PCK1: variants seen among roughly 807,000 people sequenced by gnomAD.
PCK1 encodes the protein phosphoenolpyruvate carboxykinase 1.
In PCK1, 44 loss-of-function variants were observed where a neutral mutation model predicts 50.3. The observed-to-expected ratio is 0.87, with a 90% confidence interval of 0.69 to 1.12. The LOEUF (loss-of-function observed/expected upper bound fraction) is 1.12. Among genes scored for constraint, PCK1 ranks in the 50% most tolerant of loss-of-function variants. The probability of loss-of-function intolerance (pLI) is 0.00; values close to 1 mark genes in which losing one functional copy is unlikely to be tolerated. For missense variants in PCK1, 790 were observed against 815.0 expected (o/e 0.97, Z 0.37); for synonymous variants, 332 against 314.3 (o/e 1.06, Z -0.59).
chr20:57,561,567 G>C lies in PCK1; in HGVS notation c.156G>C (p.Glu52Asp), dbSNP rs1011110192. The change falls in exon 2 of 10, where the codon GAG becomes GAC. Residue 52 changes from glutamate to aspartate, a missense_variant. Physicochemically the swap from Glu to Asp is conservative, Grantham distance 45. Transcript: ENST00000319441. ...HIHICDGSEE[E>D]NGRLLGQMEE... ...ACATCTGTGACGGCTCTGAGGAGGA[G>C]AATGGGCGGCTTCTGGGCCAGATGG... The C allele has an allele frequency of 1.2e-6, 2 of 1,613,900 alleles. No individual in the cohort carries two copies. The highest frequency in any genetic ancestry group is 2.7e-5 in the African/African-American group (2 of 74,934).
rs531149272 is a variant in PCK1, at chr20:57,563,415, T to C, written c.799-150T>C. 1.5e-5 allele frequency: 10 copies of C among 686,152 alleles called. No individual in the cohort carries two copies. The South Asian group carries it at 1.9e-4, about 13-fold the overall frequency. The allele number at this position is 686,152 out of a possible 1,614,324, so 42.5% of individuals were successfully genotyped here. A position where few individuals can be genotyped will look rare whatever the true frequency, so the allele number is the denominator to read the frequency against. On this transcript the variant is annotated intron_variant, in intron 5 of 9. Coordinates refer to ENST00000319441, the MANE Select transcript of PCK1 (RefSeq NM_002591.4). ...CCCAAACACCAGGGGACCATAGAGA[T>C]CCTTTGGACTTCATGATTCTGGGAG...
Position 57,562,750 on chromosome 20 carries a change from C to T in PCK1, c.461C>T (p.Ser154Leu), listed in dbSNP as rs747489666. The T allele has an allele frequency of 4.3e-6, 7 of 1,614,058 alleles. No homozygotes were observed. The highest frequency in any genetic ancestry group is 1.1e-5 in the South Asian group (1 of 91,040). ...FSMGPLGSPLSKIGIELTDSP... is the reference protein window; with the variant it reads ...FSMGPLGSPLLKIGIELTDSP... Reference sequence around the variant, plus strand: ...ATGGGGCCGCTGGGCTCGCCTCTGTCAAAGATCGGCATCGAGCTGACGGAT... The same window carrying T: ...ATGGGGCCGCTGGGCTCGCCTCTGTTAAAGATCGGCATCGAGCTGACGGAT... Residue 154 changes from serine to leucine, a missense_variant, in exon 4 of 10, where the codon TCA (serine) becomes TTA (leucine). Physicochemically the swap from Ser to Leu is moderately radical, Grantham distance 145 (BLOSUM62 -2). Transcript: ENST00000319441.
chr20:57,563,569 T>G lies in PCK1; in HGVS notation c.803T>G (p.Leu268Arg), dbSNP rs772810175. 2 of 1,597,064 alleles carry G rather than the reference T, an allele frequency of 1.3e-6. No individual in the cohort carries two copies. The highest frequency in any genetic ancestry group is 3.5e-5 in the Admixed American group (2 of 57,970). ...EGWLAEHMLI[L>R]GITNPEGEKK... Reference sequence around the variant, plus strand: ...AAAGAATCTTGTCCCCAACAGATTCTGGGTATAACCAACCCTGAGGGTGAG... The same window carrying G: ...AAAGAATCTTGTCCCCAACAGATTCGGGGTATAACCAACCCTGAGGGTGAG... Residue 268 changes from leucine (L) to arginine (R), a missense_variant, in exon 6 of 10, where the codon CTG becomes CGG. Coordinates refer to ENST00000319441, the MANE Select transcript of PCK1 (RefSeq NM_002591.4).
intron 5 of PCK1, 22 bp downstream of exon 5, chr20:57,563,237 A>G (rs766798468): frequency 1.1e-5 from 18 of 1,609,080 alleles, no homozygotes; most frequent in Non-Finnish European, 1.5e-5. Flanking sequence ...GGAAGCCCTG[A>G]TGTGCAGATG....
At chr20:57,565,248 A>G (rs2070192284) in intron 9 of PCK1, 102 bp from the exon 10 acceptor site, 8 of 1,262,994 alleles carry the variant, frequency 6.3e-6, no homozygotes, top group East Asian at 2.3e-5. Context: ...GAGAGAGAGA[A>G]AGAGAGAGAG....
Position 57,561,442 on chromosome 20 carries a change from C to T in PCK1, c.31C>T (p.Leu11Phe), listed in dbSNP as rs146652385. ...TCCTCAGCTGCAAAACGGCCTGAACCTCTCGGCCAAAGTTGTCCAGGGAAG... is the reference window on the plus strand; with the variant it reads ...TCCTCAGCTGCAAAACGGCCTGAACTTCTCGGCCAAAGTTGTCCAGGGAAG... MPPQLQNGLN[L>F]SAKVVQGSLD... Residue 11 changes from leucine (L) to phenylalanine (F), a missense_variant, in exon 2 of 10, where the codon CTC becomes TTC. Physicochemically the swap from Leu to Phe is conservative, Grantham distance 22. Coordinates refer to ENST00000319441, the MANE Select transcript of PCK1 (RefSeq NM_002591.4). 14 of 1,613,450 alleles carry T rather than the reference C, an allele frequency of 8.7e-6. No individual in the cohort carries two copies. The highest frequency in any genetic ancestry group is 1.2e-5 in the Non-Finnish European group (14 of 1,179,936).
intron 8 of PCK1, 78 bp from the exon 9 acceptor site, chr20:57,564,962 T>C (rs775078533): frequency 1.9e-6 from 2 of 1,042,938 alleles, no homozygotes; most frequent in Non-Finnish European, 1.5e-6. Flanking sequence ...CTTTCCGTGT[T>C]GTGAATAACA....
intron 8 of PCK1, 129 bp from the exon 9 acceptor site, chr20:57,564,911 C>A: frequency 1.3e-6 from 1 of 756,802 alleles, no homozygotes; most frequent in Non-Finnish European, 2.2e-6. Context: ...GCTTGGTGAA[C>A]GCAAAACTAG....
rs2070144286 is a variant in PCK1, at chr20:57,561,652, C to T, written c.224+17C>T. On this transcript the variant is annotated intron_variant, in intron 2 of 9. Coordinates refer to ENST00000319441, the MANE Select transcript of PCK1 (RefSeq NM_002591.4). ...TGACAACTGGTAAGCTCGGCCCCCGCTGCCTGTCCCAGCACCCTGCAGGCA... is the reference window on the plus strand; with the variant it reads ...TGACAACTGGTAAGCTCGGCCCCCGTTGCCTGTCCCAGCACCCTGCAGGCA... 6.4e-7 allele frequency: 1 copy of T among 1,556,070 alleles called. No individual in the cohort carries two copies. Among genetic ancestry groups the T allele is most frequent in the East Asian group, 2.2e-5 (1 of 44,650 alleles).
chr20:57,562,565 G>T (rs2070156562), intron 3 of PCK1, 131 bp from the exon 4 acceptor site: 1 of 740,338 alleles, frequency 1.4e-6, no homozygotes, highest in Admixed American at 2.3e-5. Flanking sequence ...TAACCCAGGG[G>T]GCTGGTGACC....
Position 57,565,531 on chromosome 20 carries a change from G to T in PCK1, c.1596G>T (p.Glu532Asp), listed in dbSNP as rs536650413. ...AATTCCTCTGGCCAGGCTTTGGAGA[G>T]AACTCCAGGGTGCTGGAGTGGATGT... ...EGKFLWPGFG[E>D]NSRVLEWMFN... The change falls in exon 10 of 10, where the codon GAG becomes GAT. Residue 532 changes from glutamate (E) to aspartate (D), a missense_variant. Physicochemically the swap from Glu to Asp is conservative, Grantham distance 45. Coordinates refer to ENST00000319441, the MANE Select transcript of PCK1 (RefSeq NM_002591.4). 2.5e-6 allele frequency: 4 copies of T among 1,614,138 alleles called. No homozygotes were observed. In the African/African-American group the frequency reaches 5.3e-5, roughly 22 times the overall value.
In PCK1 at chr20:57,565,833, T is replaced by C; in HGVS notation, c.*29T>C. 4 of 1,515,060 alleles carry C rather than the reference T, an allele frequency of 2.6e-6. No individual in the cohort carries two copies. The highest frequency in any genetic ancestry group is 3.6e-6 in the Non-Finnish European group (4 of 1,116,914). The allele number at this position is 1,515,060 out of a possible 1,614,324, so 93.9% of individuals were successfully genotyped here. A position where few individuals can be genotyped will look rare whatever the true frequency, so the allele number is the denominator to read the frequency against. ...GGGCCTGAGTGCTTTACCTTTAAAA[T>C]CATTCCCTTTCCCATCCATAAGGTG... On this transcript the variant is annotated 3_prime_UTR_variant, in exon 10 of 10. Transcript: ENST00000319441.
At chr20:57,562,431 G>A in intron 3 of PCK1, 179 bp downstream of exon 3, 2 of 651,066 alleles carry the variant, frequency 3.1e-6, no homozygotes, top group Non-Finnish European at 5.2e-6. Flanking sequence ...TTTACAGACT[G>A]TCTTATACAA....
Position 57,566,635 on chromosome 20 carries a change from A to G in PCK1, c.*831A>G, listed in dbSNP as rs1360492391. The stretch of plus-strand genomic sequence containing the variant: ...AGAAGGAGGGAGCAGATGGGGAGGA[A>G]TGAGGCAGGGAACCATGGTTGGGGT... On this transcript the variant is annotated 3_prime_UTR_variant, in exon 10 of 10. Coordinates refer to ENST00000319441, the MANE Select transcript of PCK1 (RefSeq NM_002591.4). 1 of 152,146 alleles carries G rather than the reference A, an allele frequency of 6.6e-6. No homozygotes were observed. Among genetic ancestry groups the G allele is most frequent in the Non-Finnish European group, 1.5e-5 (1 of 68,052 alleles). 9.4% of individuals were successfully genotyped at this position (152,146 alleles called of 1,614,324 possible).
chr20:57,563,808 AG>A, intron 6 of PCK1, 81 bp downstream of exon 6: 1 of 1,178,412 alleles, frequency 8.5e-7, no homozygotes, highest in South Asian at 1.5e-5. Flanking sequence ...CATTCTCCTC[AG>A]TCCAGTGTTT....
rs1441837983 is a variant in PCK1, at chr20:57,566,887, G to C, written c.*1083G>C. ...TTTTCTCAACTGTCATCCCCGCGGG[G>C]GAGCAGAGGAAGACAAGTGAGAAGG... On this transcript the variant is annotated 3_prime_UTR_variant, in exon 10 of 10. Transcript: ENST00000319441. 1 of 152,152 alleles carries C rather than the reference G, an allele frequency of 6.6e-6. No individual in the cohort carries two copies. Among genetic ancestry groups the C allele is most frequent in the African/African-American group, 2.4e-5 (1 of 41,398 alleles). 9.4% of individuals were successfully genotyped at this position (152,152 alleles called of 1,614,324 possible).
chr20:57,562,204 G>A lies in PCK1; in HGVS notation c.358G>A (p.Glu120Lys), dbSNP rs2070152146. The A allele has an allele frequency of 6.2e-7, 1 of 1,614,230 alleles. No homozygotes were observed. Among genetic ancestry groups the A allele is most frequent in the Non-Finnish European group, 8.5e-7 (1 of 1,180,040 alleles). ...CCAGCTCGGTCGCTGGATGTCAGAG[G>A]AGGATTTTGAGAAAGCGTTCAATGC... ...LSQLGRWMSE[E>K]DFEKAFNARF... Residue 120 changes from glutamate (E) to lysine (K), a missense_variant, in exon 3 of 10, where the codon GAG becomes AAG. Physicochemically the swap from Glu to Lys is moderately conservative, Grantham distance 56. Transcript: ENST00000319441.
chr20:57,565,170 G>A (rs1438480901), intron 9 of PCK1, 35 bp downstream of exon 9: 8 of 1,530,566 alleles, frequency 5.2e-6, no homozygotes, highest in Non-Finnish European at 7.2e-6. Flanking sequence ...CCACAGAGAA[G>A]TGGGATTAGA....
In PCK1 at chr20:57,564,294, A is replaced by G; in HGVS notation, c.1087A>G (p.Thr363Ala). The change falls in exon 7 of 10, where the codon ACC becomes GCC. Residue 363 changes from threonine to alanine, a missense_variant. Coordinates refer to ENST00000319441, the MANE Select transcript of PCK1 (RefSeq NM_002591.4). ...KNTIFTNVAE[T>A]SDGGVYWEGI... ...CACAATCTTTACCAATGTGGCCGAG[A>G]CCAGCGACGGGGGCGTTTACTGGGA... 6.2e-7 allele frequency: 1 copy of G among 1,614,108 alleles called. No homozygotes were observed. Among genetic ancestry groups the G allele is most frequent in the Non-Finnish European group, 8.5e-7 (1 of 1,179,996 alleles).
Sources: allele counts gnomAD v4.1 joint callset, GRCh38; gene constraint gnomAD v4.1.1; transcripts MANE v1.5; gene names NCBI Gene and HGNC (gene_info 2026-07-23, HGNC 2026-07-21).